The following RPS13 variants were observed in gnomAD, a reference collection of about 807,000 sequenced individuals.
RPS13 encodes the protein ribosomal protein S13.
A neutral mutation model predicts 24.6 loss-of-function variants in RPS13; 1 was observed. The ratio of observed to expected loss-of-function variants is 0.04; its 90% CI spans 0.01 to 0.19. The LOEUF (loss-of-function observed/expected upper bound fraction) is 0.19. RPS13 is among the 10% of genes least tolerant of loss of function. The probability of loss-of-function intolerance (pLI) is 1.00; values close to 1 mark genes in which losing one functional copy is unlikely to be tolerated. For missense variants in RPS13, 88 were observed against 187.4 expected, an observed-to-expected ratio of 0.47 and a Z score of 3.10; for synonymous variants, 69 against 65.3, an observed-to-expected ratio of 1.06 and a Z score of -0.27.
intron 3 of RPS13, chr11:17,076,955 C>CT (rs1848032536): frequency 3.5e-6 from 2 of 566,492 alleles, no homozygotes; most frequent in Admixed American, 3.0e-5. Context: ...GCTTCCTCAA[C>CT]TGTAAACTGG....
chr11:17,077,462 C>T lies in RPS13; in HGVS notation c.39G>A (p.Gln13=). The T allele has an allele frequency of 6.2e-7, 1 of 1,613,586 alleles. No individual in the cohort carries two copies. Among genetic ancestry groups the T allele is most frequent in the Non-Finnish European group, 8.5e-7 (1 of 1,179,884 alleles). Residue 13 remains glutamine (Q), a synonymous_variant, in exon 2 of 6, where the codon CAG becomes CAA. Transcript: ENST00000525634. ...CGCTGCGTCGATAGGGTAAAGCCGA[C>T]TGGGACAGGCCCTTCCTGGGGAGAG... ...RMHAPGKGLS[Q]SALPYRRSVP...
intron 2 of RPS13, 37 bp from the exon 3 acceptor site, chr11:17,077,283 C>G (rs376946889): frequency 3.6e-5 from 58 of 1,592,348 alleles, no homozygotes; most frequent in Non-Finnish European, 4.8e-5. Context: ...GGATGAGAAC[C>G]CAGGAATGGC....
intron 1 of RPS13, 47 bp downstream of exon 1, chr11:17,077,572 T>TGGGGGGGGGGGGGG: frequency 1.3e-6 from 2 of 1,592,330 alleles, no homozygotes; most frequent in South Asian, 1.1e-5. Context: ...CTCCCTGTCT[T>TGGGGGGGGGGGGGG]CCTCCCACCC....
intron 3 of RPS13, 36 bp from the exon 4 acceptor site, chr11:17,075,659 AAC>A: frequency 6.6e-7 from 1 of 1,506,206 alleles, no homozygotes; most frequent in Non-Finnish European, 9.1e-7. Flanking sequence ...TTCAACACGA[AAC>A]ACAAACTGGA....
At position 17,077,483 on chromosome 11, in the gene RPS13, G is replaced by A. The variant is rs774483028; in HGVS notation, c.24-6C>T. On this transcript the variant is annotated splice_region_variant and splice_polypyrimidine_tract_variant and intron_variant, in intron 1 of 5. Transcript: ENST00000525634. ...CCGACTGGGACAGGCCCTTCCTGGG[G>A]AGAGAAGCAGTCTCGAGGTGAGGTG... 1.7e-5 allele frequency: 28 copies of A among 1,613,938 alleles called. No individual in the cohort carries two copies. Among genetic ancestry groups the A allele is most frequent in the East Asian group, 2.2e-5 (1 of 44,878 alleles).
intron 2 of RPS13, 56 bp downstream of exon 2, chr11:17,077,373 C>A: frequency 1.3e-6 from 2 of 1,593,720 alleles, no homozygotes; most frequent in Non-Finnish European, 1.7e-6. Flanking sequence ...TCGCTTCACC[C>A]GAGACAAATG....
intron 4 of RPS13, 119 bp downstream of exon 4, chr11:17,075,335 A>G: frequency 1.0e-6 from 1 of 994,186 alleles, no homozygotes; most frequent in Non-Finnish European, 1.5e-6. Flanking sequence ...ACTTCAAAGC[A>G]GCACTACACT....
In RPS13 at chr11:17,075,460, G is replaced by A. The variant is rs756251323; in HGVS notation, c.315C>T (p.Asn105=). 10 of 1,564,794 alleles carry A rather than the reference G, an allele frequency of 6.4e-6. No homozygotes were observed. Among genetic ancestry groups the A allele is most frequent in the East Asian group, 2.2e-5 (1 of 44,588 alleles). ...AVAVRKHLER[N]RKDKDAKFRL... Reference sequence around the variant, plus strand: ...GTTTTATTTATTAGCTTACCTTTCTGTTCCTCTCAAGATGCTTTCGAACAG... The same window carrying A: ...GTTTTATTTATTAGCTTACCTTTCTATTCCTCTCAAGATGCTTTCGAACAG... Residue 105 remains asparagine (N), a synonymous_variant, in exon 4 of 6, where the codon AAC becomes AAT. Coordinates refer to ENST00000525634, the MANE Select transcript of RPS13 (RefSeq NM_001017.3).
Position 17,077,497 on chromosome 11 carries a change from C to G in RPS13, c.24-20G>C. The G allele has an allele frequency of 1.9e-6, 3 of 1,613,932 alleles. No homozygotes were observed. Among genetic ancestry groups the G allele is most frequent in the Non-Finnish European group, 2.5e-6 (3 of 1,179,956 alleles). ...CCCTTCCTGGGGAGAGAAGCAGTCT[C>G]GAGGTGAGGTGGCGGCTAGTGCCAG... On this transcript the variant is annotated intron_variant, in intron 1 of 5. Coordinates refer to ENST00000525634, the MANE Select transcript of RPS13 (RefSeq NM_001017.3).
intron 3 of RPS13, 33 bp from the exon 4 acceptor site, chr11:17,075,656 C>G (rs780049576): frequency 6.5e-6 from 10 of 1,531,686 alleles, no homozygotes; most frequent in Non-Finnish European, 8.9e-6. Context: ...ACTTTCAACA[C>G]GAAACACAAA....
At chr11:17,074,495 A>G (rs1300922496) in intron 5 of RPS13, 29 bp from the exon 6 acceptor site, 32 of 1,579,330 alleles carry the variant, frequency 2.0e-5, no homozygotes, top group Non-Finnish European at 2.8e-5. Flanking sequence ...GAAAGAAAGA[A>G]AATCAGGATT....
intron 4 of RPS13, 89 bp downstream of exon 4, chr11:17,075,365 G>C: frequency 3.5e-6 from 4 of 1,127,464 alleles, no homozygotes; most frequent in Non-Finnish European, 5.1e-6. Context: ...ACTAAGCCTT[G>C]GATAATTCAA....
chr11:17,077,051 C>G, intron 3 of RPS13, 117 bp downstream of exon 3: 1 of 754,384 alleles, frequency 1.3e-6, no homozygotes, highest in Non-Finnish European at 2.4e-6. Flanking sequence ...AATGATGCCT[C>G]TAGCACGGTG....
At chr11:17,076,874 C>A in intron 3 of RPS13, 1 of 492,986 alleles carries the variant, frequency 2.0e-6, no homozygotes, top group African/African-American at 1.9e-5. Context: ...CTCTGCTTAG[C>A]CAATTCCAAC....
chr11:17,076,682 G>C, intron 3 of RPS13: 1 of 323,980 alleles, frequency 3.1e-6, no homozygotes, highest in Admixed American at 4.3e-5. Context: ...CAAGTATCTG[G>C]GACTACAGGC....
chr11:17,077,043 T>G (rs1243994314), intron 3 of RPS13, 125 bp downstream of exon 3: 3 of 702,748 alleles, frequency 4.3e-6, no homozygotes, highest in Non-Finnish European at 7.7e-6. Context: ...GTGCTTACAA[T>G]GATGCCTCTA....
intron 1 of RPS13, 47 bp downstream of exon 1, chr11:17,077,572 T>TGCGGGGGGGGGGGGGGGGGGG: frequency 6.3e-7 from 1 of 1,592,332 alleles, no homozygotes; most frequent in Non-Finnish European, 8.6e-7. Flanking sequence ...CTCCCTGTCT[T>TGCGGGGGGGGGGGGGGGGGGG]CCTCCCACCC....
intron 3 of RPS13, chr11:17,076,950 C>T (rs1848032467): frequency 1.8e-6 from 1 of 560,856 alleles, no homozygotes; most frequent in East Asian, 2.8e-5. Context: ...CCTCTGCTTC[C>T]TCAACTGTAA....
chr11:17,076,414 G>A, intron 3 of RPS13: 1 of 294,890 alleles, frequency 3.4e-6, no homozygotes, highest in South Asian at 2.5e-5. Context: ...AAATTAGCTG[G>A]GCCTGCTGGC....
Sources: gnomAD v4.1 joint callset for allele counts on GRCh38, gnomAD v4.1.1 for gene constraint, MANE v1.5 for transcripts, NCBI Gene and HGNC (gene_info 2026-07-23, HGNC 2026-07-21) for gene names.